Variants in DLC1 observed in about 807,000 individuals in gnomAD.
DLC1 encodes DLC1 Rho GTPase activating protein.
In DLC1, 54 loss-of-function variants were observed where a neutral mutation model predicts 140.3. The ratio of observed to expected loss-of-function variants is 0.38; its 90% CI spans 0.31 to 0.48. The LOEUF (loss-of-function observed/expected upper bound fraction) is 0.48, where lower values mean the gene tolerates loss of function less well. DLC1 is among the 20% of genes least tolerant of loss of function. DLC1 has a pLI of 0.96. For synonymous variants in DLC1, 986 were observed against 728.1 expected (o/e 1.35, Z -5.70); for missense variants, 2,536 against 1,907.0 (o/e 1.33, Z -6.14).
At chr8:13,138,275 C>A (rs887773034) in intron 5 of DLC1, among the ~76,000 whole-genome samples, 2 of 152,118 alleles carry the variant, frequency 1.3e-5, no homozygotes, top group African/African-American at 4.8e-5. Context: ...GGCTTGTTGA[C>A]CTGTCTTAAC....
At chr8:13,173,467 G>A (rs1053207543) in intron 5 of DLC1, among the ~76,000 whole-genome samples, 1 of 146,382 alleles carries the variant, frequency 6.8e-6, no homozygotes, top group Admixed American at 7.1e-5. Context: ...CGCCTCCCGT[G>A]TTGAAGCGAT....
chr8:13,127,501 C>G (rs908649533), intron 5 of DLC1, among the ~76,000 whole-genome samples: 4 of 152,186 alleles, frequency 2.6e-5, no homozygotes, highest in Non-Finnish European at 4.4e-5. Context: ...AAAAAGAGAA[C>G]TGTATGGAGA....
chr8:13,085,975 G>C (rs140484692), intron 17 of DLC1, 44 bp from the exon 18 acceptor site: 3 of 1,601,566 alleles, frequency 1.9e-6, no homozygotes, highest in South Asian at 2.2e-5. Context: ...ATTTAAGTTA[G>C]AAAGCATGGA....
intron 5 of DLC1, among the ~76,000 whole-genome samples, chr8:13,296,037 C>T (rs751497763): frequency 6.8e-6 from 1 of 146,240 alleles, no homozygotes; most frequent in Non-Finnish European, 1.5e-5. Context: ...ACTGCACCCT[C>T]CATCACCTCC....
chr8:13,341,869 T>C (rs1834070275), intron 4 of DLC1: 1 of 152,170 alleles, frequency 6.6e-6, no homozygotes, highest in African/African-American at 2.4e-5. Context: ...CATCAGATTC[T>C]CTAATCACCG....
At chr8:13,411,516 T>C (rs1426529544) in intron 2 of DLC1, among the ~76,000 whole-genome samples, 1 of 152,118 alleles carries the variant, frequency 6.6e-6, no homozygotes, top group Non-Finnish European at 1.5e-5. Context: ...ACAACACCAA[T>C]AGTAGACACT....
intron 5 of DLC1, among the ~76,000 whole-genome samples, chr8:13,304,326 G>C (rs1832329627): frequency 6.6e-6 from 1 of 152,108 alleles, no homozygotes; most frequent in South Asian, 2.1e-4. Flanking sequence ...CTATTCTGAA[G>C]AGATACTTTT....
At chr8:13,428,497 A>T (rs1227176755) in intron 2 of DLC1, among the ~76,000 whole-genome samples, 1 of 152,144 alleles carries the variant, frequency 6.6e-6, no homozygotes, top group East Asian at 1.9e-4. Flanking sequence ...CTAAAGAAGA[A>T]TATTTAGTTT....
At chr8:13,363,799 T>C (rs1455974393) in intron 4 of DLC1, among the ~76,000 whole-genome samples, 2 of 152,322 alleles carry the variant, frequency 1.3e-5, no homozygotes, top group East Asian at 3.9e-4. Context: ...ATTGCAAAAC[T>C]GGATTTCATT....
At chr8:13,165,871 C>T (rs987392228) in intron 5 of DLC1, among the ~76,000 whole-genome samples, 4 of 152,060 alleles carry the variant, frequency 2.6e-5, no homozygotes, top group African/African-American at 4.8e-5. Flanking sequence ...CTCTCTGGAT[C>T]GTGTCACTCA....
intron 4 of DLC1, among the ~76,000 whole-genome samples, chr8:13,357,584 A>G (rs924303966): frequency 2.0e-5 from 3 of 152,228 alleles, no homozygotes; most frequent in East Asian, 1.9e-4. Flanking sequence ...GTTTTACTGC[A>G]TGTGACCCTT....
chr8:13,464,766 T>TATTTA lies in DLC1; in HGVS notation c.1023+34282_1023+34283insTAAAT, dbSNP rs1563370459. Among the ~76,000 whole-genome samples, 9 of 7,552 alleles carry TATTTA rather than the reference T, an allele frequency of 1.2e-3. No individual in the cohort carries two copies. In the Admixed American group the frequency reaches 0.013, roughly 11 times the overall value. The allele number at this position is 7,552 out of a possible 152,430, so 5.0% of individuals were successfully genotyped here. On this transcript the variant is annotated intron_variant, in intron 2 of 17. Coordinates refer to ENST00000276297, the MANE Select transcript of DLC1 (RefSeq NM_182643.3). ...TTAAATTATATATATATATATATAT[T>TATTTA]TATATATATATATATATATATATAT...
chr8:13,099,851 G>A lies in DLC1; in HGVS notation c.2486C>T (p.Pro829Leu), dbSNP rs954933186. 1.2e-6 allele frequency: 2 copies of A among 1,614,214 alleles called. No homozygotes were observed. The change falls in exon 9 of 18, where the codon CCC becomes CTC. Residue 829 changes from proline to leucine, a missense_variant. By Grantham distance (98) the Pro-to-Leu change is moderately conservative. Coordinates refer to ENST00000276297, the MANE Select transcript of DLC1 (RefSeq NM_182643.3). The part of the protein sequence containing the change: ...PKALTNGSFS[P>L]SGNNGSVNWR... Reference sequence around the variant, plus strand: ...GTTCACAGAGCCGTTATTCCCCGAGGGGGAGAAACTGCCATTGGTGAGAGC... The same window carrying A: ...GTTCACAGAGCCGTTATTCCCCGAGAGGGAGAAACTGCCATTGGTGAGAGC...
At chr8:13,490,912 T>C (rs1004908996) in intron 2 of DLC1, among the ~76,000 whole-genome samples, 6 of 151,068 alleles carry the variant, frequency 4.0e-5, no homozygotes, top group African/African-American at 1.5e-4. Flanking sequence ...TAACTAATTT[T>C]TTTTCCCAAT....
chr8:13,090,503 A>G, intron 14 of DLC1, 33 bp from the exon 15 acceptor site: 1 of 1,609,552 alleles, frequency 6.2e-7, no homozygotes, highest in South Asian at 1.1e-5. Context: ...AAAGGAGGTG[A>G]GTCCACCTGT....
Position 13,534,433 on chromosome 8 carries a change from A to G in DLC1, c.-125-34237T>C, listed in dbSNP as rs193122401. ...CAGAACATTGTAATTTGGGTTTTTC[A>G]AGTTATATCAATTTGAGGGATAAAA... On this transcript the variant is annotated intron_variant, in intron 1 of 1. Transcript: ENST00000631382. 2.6e-3 allele frequency among the ~76,000 whole-genome samples: 391 copies of G among 152,250 alleles called. 5 individuals are homozygous for G. Among genetic ancestry groups the G allele is most frequent in the African/African-American group, 9.1e-3 (376 of 41,534 alleles).
chr8:13,187,734 C>T lies in DLC1; in HGVS notation c.1349-72077G>A, dbSNP rs1019660264. On this transcript the variant is annotated intron_variant, in intron 5 of 17. Transcript: ENST00000276297. ...TTAATCAAAATCATCCGGGAATACT[C>T]GAGGCGTTCAACATTGCTACCTCTG... Among the ~76,000 whole-genome samples, 4 of 152,106 alleles carry T rather than the reference C, an allele frequency of 2.6e-5. No individual in the cohort carries two copies. In the East Asian group the frequency reaches 5.8e-4, roughly 22 times the overall value.
intron 14 of DLC1, among the ~76,000 whole-genome samples, chr8:13,090,997 G>A (rs1434188903): frequency 2.0e-5 from 3 of 151,302 alleles, no homozygotes; most frequent in African/African-American, 7.3e-5. Context: ...TTGTAGAGAT[G>A]AGGTCTCACC....
intron 5 of DLC1, among the ~76,000 whole-genome samples, chr8:13,170,868 A>G (rs1825429117): frequency 6.6e-6 from 1 of 152,164 alleles, no homozygotes. Flanking sequence ...AGGTGTTCTC[A>G]GTCGTGGGCT....
Sources: allele counts gnomAD v4.1 joint callset (sites outside exome capture counted in the v4.1 genomes callset), GRCh38; gene constraint gnomAD v4.1.1; transcripts MANE v1.5; gene names NCBI Gene and HGNC (gene_info 2026-07-23, HGNC 2026-07-21).